The following SPG11 variants were observed in gnomAD, a reference collection of about 807,000 sequenced individuals.
SPG11 encodes spatacsin.
Under a neutral mutation model 274.0 loss-of-function variants are expected in SPG11, and 222 were observed. That is an observed-to-expected ratio of 0.81 (90% CI 0.73 to 0.91). The LOEUF (loss-of-function observed/expected upper bound fraction) is 0.91. Ranked by LOEUF, SPG11 falls within the 40% of genes least tolerant of loss-of-function variation. The pLI, the probability that SPG11 is intolerant of heterozygous loss-of-function variation, is 0.00. For synonymous variants in SPG11, 1,144 were observed against 1,039.7 expected, an observed-to-expected ratio of 1.10 and a Z score of -1.93; for missense variants, 3,114 against 2,872.7, an observed-to-expected ratio of 1.08 and a Z score of -1.92.
rs201217015 is a variant in SPG11 at position 44,608,606 on chromosome 15, C to A, written c.3292-1G>T. 9 of 1,613,498 alleles carry A rather than the reference C, an allele frequency of 5.6e-6. No homozygotes were observed. In the Admixed American group the frequency reaches 1.0e-4, roughly 18 times the overall value. ...TTTCATTTTCTTCATTCTGAACAAC[C>A]TAAGTAAAAAAACAGATAACAGGTT... On this transcript the variant is annotated splice_acceptor_variant, in intron 18 of 39. Coordinates refer to ENST00000261866, the MANE Select transcript of SPG11 (RefSeq NM_025137.4). LOFTEE classifies it high-confidence loss of function.
chr15:44,652,026 A>G lies in SPG11; in HGVS notation c.1008-87T>C, dbSNP rs78975199. 0.03 allele frequency: 46,264 copies of G among 1,568,042 alleles called. 3,567 individuals carry two copies. Among genetic ancestry groups the G allele is most frequent in the African/African-American group, 0.23 (17,005 of 72,710 alleles). ...TAAACCAGGGCAAAGATGTTCTTAA[A>G]AAAAAAAAGTATCTATCAAATAAAG... On this transcript the variant is annotated intron_variant, in intron 5 of 39. Coordinates refer to ENST00000261866, the MANE Select transcript of SPG11 (RefSeq NM_025137.4).
rs2082843264 is a variant in SPG11, at chr15:44,589,306, C to T, written c.4852G>A (p.Glu1618Lys). The change falls in exon 28 of 40, where the codon GAG becomes AAG. Residue 1618 changes from glutamate (E) to lysine (K), a missense_variant. Transcript: ENST00000261866. ...AAGAGCTGTAAAAGCTTCCCCAGCTCATACTGGGTCTTACACTGCTGTAGC... is the reference window on the plus strand; with the variant it reads ...AAGAGCTGTAAAAGCTTCCCCAGCTTATACTGGGTCTTACACTGCTGTAGC... ...LMLQQCKTQY[E>K]LGKLLQLFVE... 6 of 1,614,136 alleles carry T rather than the reference C, an allele frequency of 3.7e-6. No homozygotes were observed. The East Asian group carries it at 1.3e-4, about 36-fold the overall frequency.
At chr15:44,563,670 C>T (rs1403458969) in intron 39 of SPG11, among the ~76,000 whole-genome samples, 8 of 151,968 alleles carry the variant, frequency 5.3e-5, no homozygotes, top group African/African-American at 1.9e-4. Context: ...AGATGGAGGT[C>T]TCACTGTGTT....
chr15:44,585,015 T>C (rs977948569), intron 29 of SPG11, among the ~76,000 whole-genome samples: 3 of 152,200 alleles, frequency 2.0e-5, no homozygotes, highest in Non-Finnish European at 4.4e-5. Flanking sequence ...AAAGTTATGG[T>C]ATGAAAAACA....
intron 7 of SPG11, among the ~76,000 whole-genome samples, chr15:44,642,364 C>CAA (rs36011354): frequency 7.2e-4 from 32 of 44,462 alleles, no homozygotes; most frequent in South Asian, 1.7e-3. Flanking sequence ...GACTCCATCT[C>CAA]AAAAAAAAAA....
chr15:44,595,198 A>G, intron 26 of SPG11, 61 bp downstream of exon 26: 1 of 1,517,510 alleles, frequency 6.6e-7, no homozygotes, highest in Admixed American at 1.7e-5. Context: ...GAAAAAGCCA[A>G]GAAGGGATAT....
chr15:44,596,293 C>G lies in SPG11; in HGVS notation c.4224G>C (p.Glu1408Asp), dbSNP rs777496606. 26 of 1,614,050 alleles carry G rather than the reference C, an allele frequency of 1.6e-5. No homozygotes were observed. The highest frequency in any genetic ancestry group is 2.1e-5 in the Non-Finnish European group (25 of 1,180,030). ...VIQDHLRLAF[E>D]NLPSVPTSKM... is the part of the protein sequence containing the mutation. ...TGGAGGTGGGCACTGAGGGCAAGTT[C>G]TCAAAAGCCAGCCTTAAGTGGTCTT... is the stretch of plus-strand genomic sequence containing the variant. The change falls in exon 25 of 40, where the codon GAG (glutamate) becomes GAC (aspartate). Residue 1408 changes from glutamate (E) to aspartate (D), a missense_variant. Coordinates refer to ENST00000261866, the MANE Select transcript of SPG11 (RefSeq NM_025137.4).
rs766375553 is a variant in SPG11, at chr15:44,584,183, A to G, written c.5497T>C (p.Ser1833Pro). 23 of 1,614,116 alleles carry G rather than the reference A, an allele frequency of 1.4e-5. No individual in the cohort carries two copies. Among genetic ancestry groups the G allele is most frequent in the Admixed American group, 8.3e-5 (5 of 59,998 alleles). Residue 1833 changes from serine to proline, a missense_variant, in exon 30 of 40, where the codon TCC becomes CCC. By Grantham distance (74) the Ser-to-Pro change is moderately conservative. Coordinates refer to ENST00000261866, the MANE Select transcript of SPG11 (RefSeq NM_025137.4). ...AACTCACTGGCTAAACTATCAAAGG[A>G]AAGTTCACCACTAGTTGAGATCTGT... ...SRQISTSGEL[S>P]FDSLASEFSF... is the part of the protein sequence containing the mutation.
intron 28 of SPG11, chr15:44,588,775 C>A: frequency 3.4e-6 from 1 of 295,096 alleles, no homozygotes; most frequent in Non-Finnish European, 6.9e-6. Context: ...AGGGGATCGG[C>A]AATGTTAATT....
chr15:44,622,782 G>A lies in SPG11; in HGVS notation c.2262C>T (p.Gly754=). The A allele has an allele frequency of 6.2e-7, 1 of 1,613,524 alleles. No individual in the cohort carries two copies. The highest frequency in any genetic ancestry group is 8.5e-7 in the Non-Finnish European group (1 of 1,179,678). ...TATAGAAGCAGATCTTGAGCAATTG[G>A]CCTTTTACATCAAACCCCTAAAATA... is the stretch of plus-strand genomic sequence containing the variant. ...LLKNMGFDVK[G]QLLKICFYTT... Residue 754 remains glycine, a synonymous_variant, in exon 12 of 40, where the codon GGC becomes GGT. Transcript: ENST00000261866.
At chr15:44,587,870 A>C (rs1280231902) in intron 28 of SPG11, among the ~76,000 whole-genome samples, 1 of 152,176 alleles carries the variant, frequency 6.6e-6, no homozygotes, top group East Asian at 1.9e-4. Flanking sequence ...AGATTATGGC[A>C]AACAACAGGA....
chr15:44,636,425 A>AG (rs1293203580), intron 7 of SPG11, among the ~76,000 whole-genome samples: 1 of 151,688 alleles, frequency 6.6e-6, no homozygotes, highest in Non-Finnish European at 1.5e-5. Flanking sequence ...AAAATGGTTA[A>AG]GAAAAAAAAA....
intron 30 of SPG11, among the ~76,000 whole-genome samples, chr15:44,579,789 A>AC (rs1366838491): frequency 3.3e-5 from 5 of 152,208 alleles, no homozygotes; most frequent in Non-Finnish European, 7.3e-5. Context: ...GTGCTGTATA[A>AC]CCATGTTTCC....
In SPG11 at chr15:44,663,634, T is replaced by TC; in HGVS notation, c.13dup (p.Glu5GlyfsTer12). 1 of 1,595,384 alleles carries TC rather than the reference T, an allele frequency of 6.3e-7. No homozygotes were observed. Among genetic ancestry groups the TC allele is most frequent in the South Asian group, 1.1e-5 (1 of 89,746 alleles). On this transcript the variant is annotated frameshift_variant, in exon 1 of 40. Coordinates refer to ENST00000261866, the MANE Select transcript of SPG11 (RefSeq NM_025137.4). LOFTEE classifies it high-confidence loss of function. ...GGCGGAAGCAGCACTCGCGACCCCT[T>TC]CCTCTGCAGCCATCTTGGCCCGGCG...
chr15:44,574,205 T>C (rs1008100370), intron 31 of SPG11, among the ~76,000 whole-genome samples: 14 of 152,304 alleles, frequency 9.2e-5, no homozygotes, highest in Non-Finnish European at 1.5e-4. Context: ...GGTTTCTCCA[T>C]GTTGGTCAGG....
rs1275110844 is a variant in SPG11, at chr15:44,565,972, A to G, written c.6881T>C (p.Leu2294Pro). The change falls in exon 38 of 40, where the codon CTC becomes CCC. Residue 2294 changes from leucine to proline, a missense_variant. Physicochemically the swap from Leu to Pro is moderately conservative, Grantham distance 98. Transcript: ENST00000261866. ...CVRQAQHCQR[L>P]TKLITLQIHF... is the part of the protein sequence containing the mutation. ...AATCTGCAGAGTTATCAACTTGGTG[A>G]GCCGCTGACAGTGCTGGGCCTGTCG... The G allele has an allele frequency of 3.1e-6, 5 of 1,613,834 alleles. No homozygotes were observed.
Position 44,572,742 on chromosome 15 carries a change from A to C in SPG11, c.6284T>G (p.Leu2095Trp). Residue 2095 changes from leucine (L) to tryptophan (W), a missense_variant, in exon 33 of 40, where the codon TTG becomes TGG. Coordinates refer to ENST00000261866, the MANE Select transcript of SPG11 (RefSeq NM_025137.4). ...CTTATCCAACAACTTCATGCCTACC[A>C]ATGTGCGGTCTTGACACAGAGTGGT... is the stretch of plus-strand genomic sequence containing the variant. The part of the protein sequence containing the change: ...QLTTLCQDRT[L>W]VGMKLLDKIS... The C allele has an allele frequency of 1.2e-6, 2 of 1,614,070 alleles. No homozygotes were observed. Among genetic ancestry groups the C allele is most frequent in the South Asian group, 2.2e-5 (2 of 91,084 alleles).
chr15:44,602,511 C>A (rs2140986892), intron 20 of SPG11, among the ~76,000 whole-genome samples: 1 of 150,034 alleles, frequency 6.7e-6, no homozygotes, highest in Non-Finnish European at 1.5e-5. Flanking sequence ...TGGAGTCTTG[C>A]TCTGTTGCCC....
chr15:44,569,690 G>A (rs1483375448), intron 34 of SPG11, among the ~76,000 whole-genome samples, 185 bp from the exon 35 acceptor site: 1 of 151,420 alleles, frequency 6.6e-6, no homozygotes, highest in African/African-American at 2.4e-5. Flanking sequence ...ATTCAGAAAT[G>A]TCAGTCACTG....
Sources: gnomAD v4.1 joint callset for allele counts (sites outside exome capture counted in the v4.1 genomes callset) on GRCh38, gnomAD v4.1.1 for gene constraint, MANE v1.5 for transcripts, NCBI Gene and HGNC (gene_info 2026-07-23, HGNC 2026-07-21) for gene names.